Variants in EPHB1 observed in about 807,000 individuals in gnomAD.
The protein encoded by EPHB1 is ephrin type-B receptor 1.
Under a neutral mutation model 94.4 loss-of-function variants are expected in EPHB1, and 30 were observed. The observed-to-expected ratio is 0.32, with a 90% CI of 0.24 to 0.43. EPHB1 has a LOEUF of 0.43. Among genes scored for constraint, EPHB1 ranks in the 20% least tolerant of loss-of-function variants. EPHB1 has a pLI of 1.00. For missense variants in EPHB1, 1,055 were observed against 1,308.3 expected, an observed-to-expected ratio of 0.81 and a Z score of 2.99; for synonymous variants, 522 against 489.1, an observed-to-expected ratio of 1.07 and a Z score of -0.89.
At chr3:135,199,581 A>G (rs1942705244) in intron 11 of EPHB1, among the ~76,000 whole-genome samples, 1 of 152,254 alleles carries the variant, frequency 6.6e-6, no homozygotes. Context: ...AGTTAGAGTT[A>G]GAAATAGCCT....
At chr3:135,035,952 A>G (rs145589271) in intron 3 of EPHB1, among the ~76,000 whole-genome samples, 221 of 152,334 alleles carry the variant, frequency 1.5e-3, no homozygotes, top group Non-Finnish European at 2.9e-3. Flanking sequence ...TGAAGAAAAG[A>G]GGGGCATAAG....
intron 3 of EPHB1, among the ~76,000 whole-genome samples, chr3:134,986,459 C>G (rs1054476304): frequency 1.3e-5 from 2 of 152,182 alleles, no homozygotes; most frequent in Admixed American, 6.5e-5. Context: ...ACCATCCCAG[C>G]CAACATGCGG....
At position 134,935,941 on chromosome 3, in the gene EPHB1, A is replaced by T. The variant is rs144514389; in HGVS notation, c.123+10061A>T. Among the ~76,000 whole-genome samples, 356 of 152,320 alleles carry T rather than the reference A, an allele frequency of 2.3e-3. 1 individual carries two copies. The highest frequency in any genetic ancestry group is 7.7e-3 in the African/African-American group (318 of 41,560). ...CTCACTGGGACCCTGCAAGGAAGGA[A>T]GGTGGCATCTCTCCCATTTCCAAAG... On this transcript the variant is annotated intron_variant, in intron 2 of 15. Coordinates refer to ENST00000398015, the MANE Select transcript of EPHB1 (RefSeq NM_004441.5).
rs1231467629 is a variant in EPHB1, at chr3:134,882,771, T to C, written c.59-43045T>C. 6.1e-3 allele frequency among the ~76,000 whole-genome samples: 277 copies of C among 45,138 alleles called. 8 individuals are homozygous for C. Among genetic ancestry groups the C allele is most frequent in the African/African-American group, 0.015 (244 of 15,958 alleles). 29.6% of individuals were successfully genotyped at this position (45,138 alleles called of 152,430 possible). A position where few individuals can be genotyped will look rare whatever the true frequency, so the allele number is the denominator to read the frequency against. ...CTTCCTTTCTTCCTTCCTTCCTTTCTTTCTTTCTTTCTTTCTTTCTTTCTT... is the reference window on the plus strand; with the variant it reads ...CTTCCTTTCTTCCTTCCTTCCTTTCCTTCTTTCTTTCTTTCTTTCTTTCTT... On this transcript the variant is annotated intron_variant, in intron 1 of 15. Transcript: ENST00000398015.
intron 1 of EPHB1, among the ~76,000 whole-genome samples, chr3:134,856,436 G>T (rs141068406): frequency 1.3e-3 from 204 of 152,340 alleles, no homozygotes; most frequent in African/African-American, 4.8e-3. Context: ...GGTTGTAGAA[G>T]AGAGTGCAAA....
At chr3:135,200,126 C>G (rs941497981) in intron 11 of EPHB1, among the ~76,000 whole-genome samples, 3 of 152,164 alleles carry the variant, frequency 2.0e-5, no homozygotes, top group Non-Finnish European at 4.4e-5. Flanking sequence ...GAACATAATT[C>G]TCAGCCCTTT....
chr3:135,153,143 G>A (rs1399037915), intron 5 of EPHB1, among the ~76,000 whole-genome samples: 1 of 152,178 alleles, frequency 6.6e-6, no homozygotes, highest in Non-Finnish European at 1.5e-5. Flanking sequence ...CCAGGTCTTT[G>A]AGGGCAATCT....
chr3:135,040,477 C>T (rs976575547), intron 3 of EPHB1, among the ~76,000 whole-genome samples: 1 of 152,222 alleles, frequency 6.6e-6, no homozygotes, highest in African/African-American at 2.4e-5. Flanking sequence ...AGACACAGAG[C>T]CCTGGGGCTG....
At chr3:134,982,462 C>T (rs1374698939) in intron 3 of EPHB1, among the ~76,000 whole-genome samples, 1 of 152,198 alleles carries the variant, frequency 6.6e-6, no homozygotes, top group Non-Finnish European at 1.5e-5. Context: ...CGTGAGAAGG[C>T]AGGCAAATGC....
intron 1 of EPHB1, among the ~76,000 whole-genome samples, chr3:134,847,345 A>G (rs564397833): frequency 6.6e-6 from 1 of 152,346 alleles, no homozygotes; most frequent in South Asian, 2.1e-4. Context: ...GACAGCCACC[A>G]GCCTATTAGT....
chr3:135,248,483 C>T lies in EPHB1; in HGVS notation c.2664C>T (p.Leu888=). 1 of 1,609,486 alleles carries T rather than the reference C, an allele frequency of 6.2e-7. No individual in the cohort carries two copies. Among genetic ancestry groups the T allele is most frequent in the South Asian group, 1.1e-5 (1 of 90,702 alleles). Residue 888 remains leucine (L), a synonymous_variant, in exon 14 of 16, where the codon CTC becomes CTT. Transcript: ENST00000398015. The part of the protein sequence containing the change: ...LDKMIRNPAS[L]KTVATITAVP... The stretch of plus-strand genomic sequence containing the variant: ...AGATGATCCGGAACCCGGCAAGTCT[C>T]AAGACTGTGGCAACCATCACCGCCG...
In EPHB1 at chr3:135,038,551, C is replaced by T. The variant is rs191388156; in HGVS notation, c.806-67897C>T. On this transcript the variant is annotated intron_variant, in intron 3 of 15. Coordinates refer to ENST00000398015, the MANE Select transcript of EPHB1 (RefSeq NM_004441.5). ...TTGGCTCCTTGAGGCCCCCTATGTC[C>T]GGAATTGGTGGGTTCTTGGTCTCAC... Among the ~76,000 whole-genome samples, 279 of 152,260 alleles carry T rather than the reference C, an allele frequency of 1.8e-3. 1 individual carries two copies. The highest frequency in any genetic ancestry group is 5.9e-3 in the African/African-American group (247 of 41,548).
chr3:135,075,977 G>T (rs1004912879), intron 3 of EPHB1, among the ~76,000 whole-genome samples: 2 of 152,088 alleles, frequency 1.3e-5, no homozygotes, highest in African/African-American at 4.8e-5. Flanking sequence ...ATGGCTTCCT[G>T]GTGTTTATTT....
In EPHB1 at chr3:135,192,067, C is replaced by A. The variant is rs551740757; in HGVS notation, c.1883-509C>A. Reference sequence around the variant, plus strand: ...AAGTGAACCTCTTCCCTTCCTAACTCCTCAGTGTCTGTTTTCTGGGGCACC... The same window carrying A: ...AAGTGAACCTCTTCCCTTCCTAACTACTCAGTGTCTGTTTTCTGGGGCACC... On this transcript the variant is annotated intron_variant, in intron 10 of 15. Transcript: ENST00000398015. Among the ~76,000 whole-genome samples the A allele has an allele frequency of 1.6e-3, 243 of 152,362 alleles. 1 individual carries two copies. Among genetic ancestry groups the A allele is most frequent in the Non-Finnish European group, 9.7e-4 (66 of 68,034 alleles).
chr3:135,013,269 A>G (rs1233537733), intron 3 of EPHB1, among the ~76,000 whole-genome samples: 1 of 152,200 alleles, frequency 6.6e-6, no homozygotes, highest in African/African-American at 2.4e-5. Context: ...GGATTGAGTG[A>G]GTAGCAGAGG....
At chr3:134,846,166 G>GCT (rs2036868430) in intron 1 of EPHB1, among the ~76,000 whole-genome samples, 1 of 152,208 alleles carries the variant, frequency 6.6e-6, no homozygotes, top group Admixed American at 6.5e-5. Context: ...CAGTACACAA[G>GCT]TTTTCTCTGT....
intron 4 of EPHB1, among the ~76,000 whole-genome samples, chr3:135,132,430 A>T (rs1940453153): frequency 6.6e-6 from 1 of 152,128 alleles, no homozygotes; most frequent in Non-Finnish European, 1.5e-5. Context: ...CTGAGAGCAA[A>T]AGGCCTTAAA....
rs539309555 is a variant in EPHB1, at chr3:134,915,167, T to C, written c.59-10649T>C. Among the ~76,000 whole-genome samples, 4 of 152,272 alleles carry C rather than the reference T, an allele frequency of 2.6e-5. No individual in the cohort carries two copies. The East Asian group carries it at 7.7e-4, about 29-fold the overall frequency. On this transcript the variant is annotated intron_variant, in intron 1 of 15. Transcript: ENST00000398015. ...CTAACCCTCTTGTAATTGGTTGAAT[T>C]CTGTCCCTCACAAAAAAGATATGTT...
intron 3 of EPHB1, among the ~76,000 whole-genome samples, chr3:134,967,564 C>T (rs1933808965): frequency 6.6e-6 from 1 of 152,120 alleles, no homozygotes; most frequent in Non-Finnish European, 1.5e-5. Flanking sequence ...TACCATTTGG[C>T]CATCTCTCTT....
Sources: allele counts gnomAD v4.1 joint callset (sites outside exome capture counted in the v4.1 genomes callset), GRCh38; gene constraint gnomAD v4.1.1; transcripts MANE v1.5; gene names NCBI Gene and HGNC (gene_info 2026-07-23, HGNC 2026-07-21).